UBP1: variants seen among roughly 807,000 people sequenced by gnomAD.
UBP1 encodes upstream-binding protein 1.
A neutral mutation model predicts 76.1 loss-of-function variants in UBP1; 22 were observed. The ratio of observed to expected loss-of-function variants is 0.29; its 90% CI spans 0.21 to 0.41. UBP1 has a LOEUF of 0.41. Among genes scored for constraint, UBP1 ranks in the 10% least tolerant of loss-of-function variants. UBP1 has a pLI of 1.00. For missense variants in UBP1, 436 were observed against 668.1 expected (o/e 0.65, Z 3.83); for synonymous variants, 224 against 237.1 (o/e 0.94, Z 0.51).
intron 2 of UBP1, among the ~76,000 whole-genome samples, chr3:33,421,227 GTCAGGGACTTAACTCC>G (rs2044883096): frequency 6.6e-6 from 1 of 151,070 alleles, no homozygotes; most frequent in African/African-American, 2.4e-5. Context: ...CAGAGTTAAA[GTCAGGGACTTAACTCC>G]TCTTCTTATT....
At chr3:33,412,920 A>G in intron 3 of UBP1, 93 bp from the exon 4 acceptor site, 1 of 801,182 alleles carries the variant, frequency 1.2e-6, no homozygotes, top group East Asian at 2.5e-5. Context: ...CTGTAGCAGT[A>G]GAACACATAC....
At chr3:33,412,430 G>A (rs548069331) in intron 4 of UBP1, among the ~76,000 whole-genome samples, 1 of 151,608 alleles carries the variant, frequency 6.6e-6, no homozygotes, top group South Asian at 2.1e-4. Flanking sequence ...CAAGACACAA[G>A]ATCCTAGAGG....
At chr3:33,430,099 A>G (rs2045088008) in intron 1 of UBP1, among the ~76,000 whole-genome samples, 1 of 152,338 alleles carries the variant, frequency 6.6e-6, no homozygotes, top group East Asian at 1.9e-4. Flanking sequence ...GATAGGGGGG[A>G]AAAAAGTTGT....
At chr3:33,425,998 TATA>T (rs2045006549) in intron 1 of UBP1, among the ~76,000 whole-genome samples, 1 of 29,030 alleles carries the variant, frequency 3.4e-5, no homozygotes, top group Non-Finnish European at 6.7e-5. Flanking sequence ...CAGCTCTGAA[TATA>T]TATATATATA....
chr3:33,416,875 G>C (rs2044741919), intron 2 of UBP1, 41 bp from the exon 3 acceptor site: 1 of 1,485,514 alleles, frequency 6.7e-7, no homozygotes, highest in Middle Eastern at 1.7e-4. Flanking sequence ...TCCTTATAAA[G>C]AACATCACTT....
intron 2 of UBP1, among the ~76,000 whole-genome samples, chr3:33,419,556 A>T (rs1170474971): frequency 6.8e-6 from 1 of 146,600 alleles, no homozygotes; most frequent in African/African-American, 2.5e-5. Flanking sequence ...TGAACCTGTG[A>T]GGCGGAGGTT....
intron 1 of UBP1, among the ~76,000 whole-genome samples, chr3:33,431,492 C>T (rs1037275051): frequency 4.6e-5 from 7 of 152,112 alleles, no homozygotes; most frequent in African/African-American, 1.4e-4. Flanking sequence ...AATCCCAGCA[C>T]TTTGGGAGAC....
At chr3:33,391,155 G>A (rs1181538500) in intron 15 of UBP1, 1 of 152,238 alleles carries the variant, frequency 6.6e-6, no homozygotes, top group East Asian at 1.9e-4. Context: ...ACTCAGCCTT[G>A]CAGGTAACCT....
chr3:33,432,359 T>A (rs61019989), intron 1 of UBP1, among the ~76,000 whole-genome samples: 39,254 of 152,076 alleles, frequency 0.26, 5,970 homozygotes, highest in East Asian at 0.47. Context: ...TTTTTTAATT[T>A]AAAAAAATTT....
At position 33,409,288 on chromosome 3, in the gene UBP1, G is replaced by A. The variant is rs1331455487; in HGVS notation, c.767C>T (p.Ala256Val). The A allele has an allele frequency of 6.2e-7, 1 of 1,614,066 alleles. No individual in the cohort carries two copies. The highest frequency in any genetic ancestry group is 2.2e-5 in the East Asian group (1 of 44,878). ...CGGCTGATACTTTTCTTTTTCATGA[G>A]CTGTTCTCTTCTCCATCTTCTCTCG... ...TDREKMEKRT[A>V]HEKEKYQPSY... Residue 256 changes from alanine (A) to valine (V), a missense_variant, in exon 7 of 16, where the codon GCT becomes GTT. Ala to Val is a moderately conservative substitution (Grantham distance 64). Transcript: ENST00000283629.
chr3:33,424,445 T>G (rs1340741546), intron 2 of UBP1, among the ~76,000 whole-genome samples: 1 of 152,156 alleles, frequency 6.6e-6, no homozygotes, highest in African/African-American at 2.4e-5. Context: ...GACAGAAAAA[T>G]AAACACTATA....
intron 2 of UBP1, among the ~76,000 whole-genome samples, chr3:33,417,126 T>C (rs942106413): frequency 6.6e-6 from 1 of 152,210 alleles, no homozygotes; most frequent in African/African-American, 2.4e-5. Flanking sequence ...TTGTAACAGC[T>C]TTTCTGAGAT....
intron 1 of UBP1, among the ~76,000 whole-genome samples, chr3:33,436,605 T>C (rs780000746): frequency 3.9e-4 from 59 of 152,192 alleles, no homozygotes; most frequent in Non-Finnish European, 4.6e-4. Flanking sequence ...CCTTCAAAAA[T>C]ATTTCAATAT....
At chr3:33,431,200 G>C (rs2045106090) in intron 1 of UBP1, among the ~76,000 whole-genome samples, 1 of 152,270 alleles carries the variant, frequency 6.6e-6, no homozygotes, top group African/African-American at 2.4e-5. Context: ...AAGTTATTCA[G>C]AAAGCAGCAC....
intron 2 of UBP1, among the ~76,000 whole-genome samples, chr3:33,418,074 C>T (rs756144968): frequency 1.3e-5 from 2 of 151,996 alleles, no homozygotes; most frequent in African/African-American, 4.8e-5. Context: ...GATATATGCA[C>T]TATATTTAAC....
chr3:33,419,863 AAT>A (rs2044841755), intron 2 of UBP1, among the ~76,000 whole-genome samples: 1 of 152,214 alleles, frequency 6.6e-6, no homozygotes, highest in Non-Finnish European at 1.5e-5. Context: ...GTATTAATGA[AAT>A]ATAAAGTTAA....
intron 1 of UBP1, among the ~76,000 whole-genome samples, chr3:33,432,592 T>A (rs1047227799): frequency 6.6e-6 from 1 of 152,176 alleles, no homozygotes; most frequent in Non-Finnish European, 1.5e-5. Flanking sequence ...CAAGGCTAAA[T>A]AGCATTCACA....
intron 2 of UBP1, among the ~76,000 whole-genome samples, chr3:33,421,418 G>A (rs1238721793): frequency 1.3e-5 from 2 of 152,074 alleles, no homozygotes; most frequent in African/African-American, 2.4e-5. Context: ...GACTACAGGC[G>A]TGCGCCACCA....
At chr3:33,403,576 GTC>G (rs1311549128) in intron 8 of UBP1, 2 of 84,270 alleles carry the variant, frequency 2.4e-5, no homozygotes, top group Non-Finnish European at 6.5e-5. Flanking sequence ...CTGTCTGTCT[GTC>G]TGTCTGTCTA....
Sources: gnomAD v4.1 joint callset for allele counts (sites outside exome capture counted in the v4.1 genomes callset) on GRCh38, gnomAD v4.1.1 for gene constraint, MANE v1.5 for transcripts, NCBI Gene and HGNC (gene_info 2026-07-23, HGNC 2026-07-21) for gene names.